Variants in NBPF4 observed in about 807,000 individuals in gnomAD.
NBPF4 encodes the protein NBPF member 4.
NBPF4 carries 11 observed loss-of-function variants against 21.1 expected under a neutral mutation model. That is an observed-to-expected ratio of 0.52 (90% CI 0.33 to 0.86). NBPF4 has a LOEUF of 0.86. NBPF4 is among the 40% of genes least tolerant of loss of function. The pLI, the probability that NBPF4 is intolerant of heterozygous loss-of-function variation, is 0.03. For synonymous variants in NBPF4, 47 were observed against 106.4 expected, an observed-to-expected ratio of 0.44 and a Z score of 3.43; for missense variants, 88 against 265.3, an observed-to-expected ratio of 0.33 and a Z score of 4.64.
upstream of NBPF4, among the ~76,000 whole-genome samples, chr1:108,244,957 T>G (rs868273847): frequency 2.0e-4 from 16 of 79,406 alleles, no homozygotes; most frequent in African/African-American, 6.8e-4. Flanking sequence ...TACACACACA[T>G]ATAGAGTTGC....
At chr1:108,256,486 TTC>T in the NBPF4 span, among the ~76,000 whole-genome samples, 1 of 124,234 alleles carries the variant, frequency 8.0e-6, no homozygotes, top group African/African-American at 3.1e-5. Context: ...TCCTTCCTTT[TTC>T]TCTTTCTTTC....
At chr1:108,229,254 C>T (rs1649585958) in intron 12 of NBPF4, 98 bp from the exon 13 acceptor site, 1 of 948,492 alleles carries the variant, frequency 1.1e-6, no homozygotes, top group Admixed American at 2.2e-5. Flanking sequence ...CTCAGTAAAG[C>T]CACCCAGTGA....
chr1:108,222,559 A>G lies in NBPF4; in HGVS notation c.*1146T>C, dbSNP rs1649334512. Among the ~76,000 whole-genome samples, 3 of 152,228 alleles carry G rather than the reference A, an allele frequency of 2.0e-5. No homozygotes were observed. In the South Asian group the frequency reaches 6.2e-4, roughly 32 times the overall value. ...TTTGGATGAAAGTTATAATTGGGGC[A>G]GAGAATATTCTTTTTCACAACAGAA... On this transcript the variant is annotated 3_prime_UTR_variant, in exon 15 of 15. Transcript: ENST00000415641.
the NBPF4 span, among the ~76,000 whole-genome samples, chr1:108,258,435 A>G: frequency 3.9e-4 from 54 of 139,778 alleles, 1 homozygote; most frequent in Admixed American, 8.3e-4. Context: ...TGTGCATTGG[A>G]ATTACATAAA....
chr1:108,222,906 C>G lies in NBPF4; in HGVS notation c.*799G>C, dbSNP rs1296687031. Among the ~76,000 whole-genome samples, 1 of 152,128 alleles carries G rather than the reference C, an allele frequency of 6.6e-6. No individual in the cohort carries two copies. The highest frequency in any genetic ancestry group is 1.5e-5 in the Non-Finnish European group (1 of 68,030). On this transcript the variant is annotated 3_prime_UTR_variant, in exon 15 of 15. Coordinates refer to ENST00000415641, the MANE Select transcript of NBPF4 (RefSeq NM_001143989.3). ...AACCAAGTGACCATCCTAGTATCAC[C>G]GCACTGGGGATGGACACACTGGGCC...
At chr1:108,257,910 G>A in the NBPF4 span, among the ~76,000 whole-genome samples, 46 of 142,802 alleles carry the variant, frequency 3.2e-4, no homozygotes, top group South Asian at 7.0e-3. Context: ...CACCATGCCC[G>A]GCTAAGTTTT....
chr1:108,227,182 CAA>C (rs1348649270), intron 13 of NBPF4, among the ~76,000 whole-genome samples: 7 of 145,976 alleles, frequency 4.8e-5, no homozygotes, highest in Admixed American at 1.4e-4. Flanking sequence ...AAGGCAAAGG[CAA>C]GGAAATAACA....
chr1:108,264,967 G>T, the NBPF4 span, among the ~76,000 whole-genome samples: 2 of 142,682 alleles, frequency 1.4e-5, no homozygotes, highest in Admixed American at 7.4e-5. Context: ...CAGCCTAACA[G>T]TACAACTAAA....
At chr1:108,266,452 T>TA in the NBPF4 span, among the ~76,000 whole-genome samples, 1 of 123,784 alleles carries the variant, frequency 8.1e-6, no homozygotes, top group Non-Finnish European at 1.7e-5. Context: ...CTATCTTTAC[T>TA]ATTTCATCCT....
the NBPF4 span, among the ~76,000 whole-genome samples, chr1:108,254,274 G>A: frequency 2.9e-4 from 3 of 10,384 alleles, no homozygotes; most frequent in African/African-American, 1.3e-3. Context: ...ATGGGCCTTC[G>A]TCATATTGGC....
the NBPF4 span, among the ~76,000 whole-genome samples, chr1:108,264,160 G>A: frequency 6.8e-6 from 1 of 148,066 alleles, no homozygotes; most frequent in South Asian, 2.1e-4. Flanking sequence ...GTGCAAAGAT[G>A]AACACAGACT....
At chr1:108,246,224 C>G (rs1469194596), upstream of NBPF4, among the ~76,000 whole-genome samples, 1 of 124,512 alleles carries the variant, frequency 8.0e-6, no homozygotes, top group African/African-American at 3.0e-5. Context: ...TGGGATTGAT[C>G]CAGTCCTCTT....
upstream of NBPF4, among the ~76,000 whole-genome samples, chr1:108,244,951 C>CGT (rs1649797874): frequency 7.0e-5 from 2 of 28,732 alleles, no homozygotes; most frequent in African/African-American, 2.6e-4. Context: ...TATATATACA[C>CGT]ACACATATAG....
intron 14 of NBPF4, among the ~76,000 whole-genome samples, chr1:108,224,265 AGAG>A (rs1281220434): frequency 1.3e-5 from 1 of 79,968 alleles, no homozygotes; most frequent in Admixed American, 1.6e-4. Context: ...ATTTTACAAC[AGAG>A]GAGTAGTGAT....
the NBPF4 span, among the ~76,000 whole-genome samples, chr1:108,264,332 A>G: frequency 7.6e-6 from 1 of 131,820 alleles, no homozygotes; most frequent in Non-Finnish European, 1.6e-5. Flanking sequence ...ATTCAACAGG[A>G]AGAGCTAACT....
At position 108,241,428 on chromosome 1, in the gene NBPF4, T is replaced by C. The variant is rs1571328099; in HGVS notation, c.279-264A>G. 3.4e-5 allele frequency among the ~76,000 whole-genome samples: 5 copies of C among 146,478 alleles called. 1 individual carries two copies. In the South Asian group the frequency reaches 1.1e-3, roughly 33 times the overall value. ...CACACACACACAGCCTTCTGATATA[T>C]GAGAGACTGCTTCTGTAATATCCTC... On this transcript the variant is annotated intron_variant, in intron 3 of 14. Transcript: ENST00000415641.
intron 3 of NBPF4, among the ~76,000 whole-genome samples, chr1:108,241,425 A>G (rs1386916157): frequency 2.7e-5 from 4 of 146,826 alleles, no homozygotes; most frequent in Non-Finnish European, 3.0e-5. Flanking sequence ...GCCTTCTGAT[A>G]TATGAGAGAC....
chr1:108,244,946 AT>A (rs1649795460), upstream of NBPF4, among the ~76,000 whole-genome samples: 1 of 38,542 alleles, frequency 2.6e-5, no homozygotes, highest in African/African-American at 9.7e-5. Context: ...ATATATATAT[AT>A]ACACACACAT....
intron 13 of NBPF4, 93 bp from the exon 14 acceptor site, chr1:108,226,986 A>T: frequency 2.8e-6 from 1 of 354,982 alleles, no homozygotes; most frequent in Non-Finnish European, 4.7e-6. Flanking sequence ...ATCAGGAAAG[A>T]GCCTTGGACA....
Sources: allele counts gnomAD v4.1 joint callset (sites outside exome capture counted in the v4.1 genomes callset), GRCh38; gene constraint gnomAD v4.1.1; transcripts MANE v1.5; gene names NCBI Gene and HGNC (gene_info 2026-07-23, HGNC 2026-07-21).